ARHGAP22: variants seen among roughly 807,000 people sequenced by gnomAD.
ARHGAP22 encodes Rho GTPase activating protein 22.
ARHGAP22 carries 48 observed loss-of-function variants against 59.1 expected under a neutral mutation model. That is an observed-to-expected ratio of 0.81 (90% CI 0.64 to 1.03). ARHGAP22 has a LOEUF of 1.03. ARHGAP22 is among the 50% of genes least tolerant of loss of function. ARHGAP22 has a pLI of 0.00. For synonymous variants in ARHGAP22, 445 were observed against 416.4 expected, an observed-to-expected ratio of 1.07 and a Z score of -0.84; for missense variants, 1,015 against 958.7, an observed-to-expected ratio of 1.06 and a Z score of -0.78.
At chr10:48,550,266 C>A (rs897287102) in intron 3 of ARHGAP22, among the ~76,000 whole-genome samples, 2 of 152,234 alleles carry the variant, frequency 1.3e-5, no homozygotes, top group Non-Finnish European at 2.9e-5. Context: ...CTCCTCCTAG[C>A]CTTTCTCATC....
intron 1 of ARHGAP22, among the ~76,000 whole-genome samples, chr10:48,648,192 T>A (rs2062393161): frequency 6.6e-6 from 1 of 152,178 alleles, no homozygotes; most frequent in African/African-American, 2.4e-5. Flanking sequence ...TGCATGTAAC[T>A]TACATATCAA....
chr10:48,569,146 T>C (rs1377119111), intron 2 of ARHGAP22, among the ~76,000 whole-genome samples: 1 of 152,230 alleles, frequency 6.6e-6, no homozygotes, highest in South Asian at 2.1e-4. Context: ...CTGGGGTATA[T>C]GGTGTCTCTG....
chr10:48,476,240 G>A (rs1478806490), intron 4 of ARHGAP22, among the ~76,000 whole-genome samples: 1 of 152,178 alleles, frequency 6.6e-6, no homozygotes, highest in Non-Finnish European at 1.5e-5. Context: ...CAAATGAGAG[G>A]CACTCCAGCT....
upstream of ARHGAP22, among the ~76,000 whole-genome samples, chr10:48,653,405 G>A (rs987044307): frequency 8.5e-5 from 13 of 152,248 alleles, no homozygotes; most frequent in Non-Finnish European, 1.8e-4. Flanking sequence ...CCTGGGCTGC[G>A]GGACAGCGCT....
the ARHGAP22 span, chr10:48,437,633 A>C: frequency 3.9e-5 from 6 of 152,162 alleles, no homozygotes; most frequent in African/African-American, 1.4e-4. Flanking sequence ...ACTTAGTTAT[A>C]CTATACGCAG....
At chr10:48,513,138 T>C (rs899300802) in intron 3 of ARHGAP22, among the ~76,000 whole-genome samples, 1 of 152,134 alleles carries the variant, frequency 6.6e-6, no homozygotes, top group African/African-American at 2.4e-5. Context: ...CAGGAAAAGA[T>C]CTAATTCCAG....
chr10:48,576,908 C>T (rs2058747375), intron 2 of ARHGAP22, among the ~76,000 whole-genome samples: 1 of 88,732 alleles, frequency 1.1e-5, no homozygotes, highest in South Asian at 4.3e-4. Flanking sequence ...CCCATCCCTC[C>T]CCACACCGCC....
At chr10:48,626,447 T>G (rs1457734430) in intron 1 of ARHGAP22, among the ~76,000 whole-genome samples, 2 of 152,204 alleles carry the variant, frequency 1.3e-5, no homozygotes, top group Admixed American at 1.3e-4. Context: ...TCCAGTAAGC[T>G]GTTAATGGTG....
chr10:48,590,499 C>G (rs1478702852), intron 1 of ARHGAP22, among the ~76,000 whole-genome samples: 1 of 152,150 alleles, frequency 6.6e-6, no homozygotes, highest in Non-Finnish European at 1.5e-5. Context: ...AGCTGAGGCC[C>G]TACCTGCTGG....
At chr10:48,636,652 T>C (rs2061831099) in intron 1 of ARHGAP22, among the ~76,000 whole-genome samples, 1 of 152,310 alleles carries the variant, frequency 6.6e-6, no homozygotes, top group Non-Finnish European at 1.5e-5. Context: ...GTCCAAGCTT[T>C]AGAGCCATGA....
chr10:48,629,902 G>A (rs1002387627), intron 1 of ARHGAP22, among the ~76,000 whole-genome samples: 1 of 152,036 alleles, frequency 6.6e-6, no homozygotes. Flanking sequence ...TTCTGCAATA[G>A]ATCCTATGCC....
chr10:48,618,331 C>T (rs1471814649), intron 1 of ARHGAP22, among the ~76,000 whole-genome samples: 1 of 152,004 alleles, frequency 6.6e-6, no homozygotes, highest in Non-Finnish European at 1.5e-5. Context: ...GGAATTCTCC[C>T]AAATTCATTC....
At chr10:48,542,423 T>C (rs543516915) in intron 3 of ARHGAP22, among the ~76,000 whole-genome samples, 1 of 152,322 alleles carries the variant, frequency 6.6e-6, no homozygotes, top group African/African-American at 2.4e-5. Flanking sequence ...AAATTTGTGT[T>C]TTTTAAGTGA....
At chr10:48,534,520 T>C (rs2055170486) in intron 3 of ARHGAP22, among the ~76,000 whole-genome samples, 1 of 152,098 alleles carries the variant, frequency 6.6e-6, no homozygotes, top group African/African-American at 2.4e-5. Context: ...CCAGCAGCTG[T>C]GATGACATCA....
At chr10:48,605,360 G>T (rs2060631702), upstream of ARHGAP22, among the ~76,000 whole-genome samples, 1 of 128,918 alleles carries the variant, frequency 7.8e-6, no homozygotes, top group African/African-American at 2.9e-5. Context: ...CCCAATCCAC[G>T]GGGACCCGCT....
the ARHGAP22 span, chr10:48,434,784 C>T: frequency 9.2e-7 from 1 of 1,083,664 alleles, no homozygotes; most frequent in Non-Finnish European, 1.3e-6. Context: ...CTTCGAAACC[C>T]AAGAGAAAAA....
At chr10:48,583,265 G>T in intron 1 of ARHGAP22, 113 bp from the exon 2 acceptor site, 2 of 1,283,768 alleles carry the variant, frequency 1.6e-6, no homozygotes, top group South Asian at 1.4e-5. Flanking sequence ...GCCCAGGCCA[G>T]CAGGATGTGA....
intron 1 of ARHGAP22, among the ~76,000 whole-genome samples, chr10:48,619,010 T>C (rs2061189909): frequency 1.3e-5 from 2 of 151,910 alleles, no homozygotes; most frequent in Non-Finnish European, 2.9e-5. Context: ...ATTTGTAAGA[T>C]ACAAAATCAG....
intron 1 of ARHGAP22, among the ~76,000 whole-genome samples, chr10:48,591,234 A>C (rs1367833345): frequency 2.0e-5 from 3 of 152,224 alleles, no homozygotes; most frequent in Non-Finnish European, 4.4e-5. Flanking sequence ...AAAACACGTT[A>C]ACACAAACAC....
Sources: allele counts gnomAD v4.1 joint callset (sites outside exome capture counted in the v4.1 genomes callset), GRCh38; gene constraint gnomAD v4.1.1; transcripts MANE v1.5; gene names NCBI Gene and HGNC (gene_info 2026-07-23, HGNC 2026-07-21).